The following ZSCAN12 variants were observed in gnomAD, a reference collection of about 807,000 sequenced individuals.
ZSCAN12 encodes zinc finger and SCAN domain containing 12, also known as zinc finger and SCAN domain-containing protein 12.
In ZSCAN12, 18 loss-of-function variants were observed where a neutral mutation model predicts 23.4. That is an observed-to-expected ratio of 0.77 (90% CI 0.53 to 1.14). ZSCAN12 has a LOEUF of 1.14. Among genes scored for constraint, ZSCAN12 ranks in the 50% most tolerant of loss-of-function variants. The pLI is 0.00. For synonymous variants in ZSCAN12, 186 were observed against 253.4 expected, an observed-to-expected ratio of 0.73 and a Z score of 2.53; for missense variants, 650 against 735.0, an observed-to-expected ratio of 0.88 and a Z score of 1.34.
At position 28,391,112 on chromosome 6, in the gene ZSCAN12, T is replaced by G. The variant is rs1382451066; in HGVS notation, c.1178A>C (p.Lys393Thr). ...DKPYQCTQCN[K>T]SFSRRSILTQ... The stretch of plus-strand genomic sequence containing the variant: ...AAGTATGGAACGCCGACTAAAACTT[T>G]TATTACACTGAGTGCACTGATAAGG... Residue 393 changes from lysine to threonine, a missense_variant, in exon 4 of 4, where the codon AAA (lysine) becomes ACA (threonine). Transcript: ENST00000684592. This position sits in a 1 kb window ranked among gnomAD's most constrained non-coding sequence, Gnocchi z 4.1. The G allele has an allele frequency of 1.3e-6, 2 of 1,552,290 alleles. No individual in the cohort carries two copies. The highest frequency in any genetic ancestry group is 1.7e-6 in the Non-Finnish European group (2 of 1,147,118).
rs114031556 is a variant in ZSCAN12 at position 28,386,688 on chromosome 6, T to C, written c.*3766A>G. Among the ~76,000 whole-genome samples the C allele has an allele frequency of 6.6e-6, 1 of 152,376 alleles. No homozygotes were observed. The highest frequency in any genetic ancestry group is 2.4e-5 in the African/African-American group (1 of 41,586). On this transcript the variant is annotated 3_prime_UTR_variant, in exon 4 of 4. Coordinates refer to ENST00000684592, the MANE Select transcript of ZSCAN12 (RefSeq NM_001163391.2). Reference sequence around the variant, plus strand: ...AATTAGTAGCCTTATTCTACTATATTTCCTCTTTATCCTGGAAAGCTAGTT... The same window carrying C: ...AATTAGTAGCCTTATTCTACTATATCTCCTCTTTATCCTGGAAAGCTAGTT...
rs1397783786 is a variant in ZSCAN12 at position 28,391,375 on chromosome 6, T to C, written c.915A>G (p.Glu305=). 1 of 1,551,772 alleles carries C rather than the reference T, an allele frequency of 6.4e-7. No homozygotes were observed. Among genetic ancestry groups the C allele is most frequent in the Non-Finnish European group, 8.7e-7 (1 of 1,146,800 alleles). ...IHTGDRPYKC[E]ECGKAFRGRT... ...TCCCACGGAAAGCTTTTCCACATTC[T>C]TCGCATTTGTAGGGTCTATCTCCAG... Residue 305 remains glutamate (E), a synonymous_variant, in exon 4 of 4, where the codon GAA becomes GAG. Coordinates refer to ENST00000684592, the MANE Select transcript of ZSCAN12 (RefSeq NM_001163391.2). The surrounding 1 kb of genome is among the most constrained non-coding windows in gnomAD (Gnocchi z 4.1).
At position 28,390,687 on chromosome 6, in the gene ZSCAN12, G is replaced by A. The variant is rs759075885; in HGVS notation, c.1603C>T (p.Arg535Ter). Residue 535 changes from arginine to a stop codon, truncating the protein, a stop_gained, in exon 4 of 4, where the codon CGA (arginine) becomes TGA (stop). Transcript: ENST00000684592. LOFTEE classifies it low-confidence loss of function (END_TRUNC). ...YKCDECGNAF[R>*]GITSLIQHQR... ...TGCTGAATGAGGCTGGTGATTCCTC[G>A]GAAGGCATTCCCACACTCATCACAC... 8.1e-6 allele frequency: 13 copies of A among 1,612,344 alleles called. No homozygotes were observed. Among genetic ancestry groups the A allele is most frequent in the South Asian group, 5.5e-5 (5 of 90,850 alleles).
At chr6:28,379,007 G>A (rs1360301355) in exon 5 of ZSCAN12, 1 of 152,104 alleles carries the variant, frequency 6.6e-6, no homozygotes, top group African/African-American at 2.4e-5. Context: ...AAAATTTAGG[G>A]ATGTACAGCA....
chr6:28,383,935 TAGC>T (rs1273525222), downstream of ZSCAN12, among the ~76,000 whole-genome samples: 1 of 152,172 alleles, frequency 6.6e-6, no homozygotes, highest in Non-Finnish European at 1.5e-5. Flanking sequence ...ACAATCAAAA[TAGC>T]AGTTGTAAAG....
chr6:28,391,376 T>C lies in ZSCAN12; in HGVS notation c.914A>G (p.Glu305Gly). The C allele has an allele frequency of 6.4e-7, 1 of 1,551,788 alleles. No homozygotes were observed. Among genetic ancestry groups the C allele is most frequent in the Non-Finnish European group, 8.7e-7 (1 of 1,146,824 alleles). Residue 305 changes from glutamate to glycine, a missense_variant, in exon 4 of 4, where the codon GAA becomes GGA. Glu to Gly is a moderately conservative substitution (Grantham distance 98). Coordinates refer to ENST00000684592, the MANE Select transcript of ZSCAN12 (RefSeq NM_001163391.2). This position sits in a 1 kb window ranked among gnomAD's most constrained non-coding sequence, Gnocchi z 4.1. Reference sequence around the variant, plus strand: ...CCCACGGAAAGCTTTTCCACATTCTTCGCATTTGTAGGGTCTATCTCCAGT... The same window carrying C: ...CCCACGGAAAGCTTTTCCACATTCTCCGCATTTGTAGGGTCTATCTCCAGT... ...IHTGDRPYKC[E>G]ECGKAFRGRT... is the part of the protein sequence containing the mutation.
downstream of ZSCAN12, chr6:28,381,115 A>G (rs1218000960): frequency 1.3e-5 from 2 of 152,244 alleles, no homozygotes; most frequent in Non-Finnish European, 2.9e-5. Context: ...ACTTTTCACA[A>G]AAATGTGACA....
At position 28,391,411 on chromosome 6, in the gene ZSCAN12, C is replaced by CAGAGG. The variant is rs1262680645; in HGVS notation, c.878_879insCCTCT (p.Gln293HisfsTer3). ...AGGGTCTATCTCCAGTATGGATCCT[C>CAGAGG]TGATGTTCTATGAGGTGTGAGTGCT... On this transcript the variant is annotated frameshift_variant, in exon 4 of 4. Coordinates refer to ENST00000684592, the MANE Select transcript of ZSCAN12 (RefSeq NM_001163391.2). LOFTEE classifies it low-confidence loss of function (END_TRUNC). This position sits in a 1 kb window ranked among gnomAD's most constrained non-coding sequence, Gnocchi z 4.1. The CAGAGG allele has an allele frequency of 1.3e-6, 2 of 1,551,484 alleles. No individual in the cohort carries two copies. Among genetic ancestry groups the CAGAGG allele is most frequent in the Non-Finnish European group, 1.7e-6 (2 of 1,146,780 alleles).
exon 5 of ZSCAN12, chr6:28,379,616 A>G (rs1360354261): frequency 6.6e-6 from 1 of 152,194 alleles, no homozygotes; most frequent in Non-Finnish European, 1.5e-5. Flanking sequence ...AATAAAGAAA[A>G]TAAAGAAGCC....
intron 2 of ZSCAN12, among the ~76,000 whole-genome samples, chr6:28,393,867 C>T (rs765498539): frequency 1.3e-5 from 2 of 152,090 alleles, no homozygotes; most frequent in African/African-American, 2.4e-5. Flanking sequence ...CTGAGGTGCC[C>T]GTCCCACTTC....
intron 2 of ZSCAN12, among the ~76,000 whole-genome samples, chr6:28,394,300 A>G (rs769989454): frequency 2.0e-5 from 3 of 152,214 alleles, no homozygotes; most frequent in Non-Finnish European, 2.9e-5. Flanking sequence ...TAACATTTGT[A>G]TAAACCACCT....
At position 28,390,429 on chromosome 6, in the gene ZSCAN12, C is replaced by CT; in HGVS notation, c.*24dup. On this transcript the variant is annotated 3_prime_UTR_variant, in exon 4 of 4. Coordinates refer to ENST00000684592, the MANE Select transcript of ZSCAN12 (RefSeq NM_001163391.2). Reference sequence around the variant, plus strand: ...ATAGTATTTCTCACCGGCCTGAACTCTGTGAGATAACTTCCCTGTAGTCAT... The same window carrying CT: ...ATAGTATTTCTCACCGGCCTGAACTCTTGTGAGATAACTTCCCTGTAGTCAT... The CT allele has an allele frequency of 6.7e-7, 1 of 1,493,184 alleles. No individual in the cohort carries two copies. Among genetic ancestry groups the CT allele is most frequent in the Non-Finnish European group, 8.9e-7 (1 of 1,118,246 alleles). 92.5% of individuals were successfully genotyped at this position (1,493,184 alleles called of 1,614,324 possible). A position where few individuals can be genotyped will look rare whatever the true frequency, so the allele number is the denominator to read the frequency against.
downstream of ZSCAN12, chr6:28,382,490 T>C: frequency 6.4e-7 from 1 of 1,551,926 alleles, no homozygotes; most frequent in Non-Finnish European, 8.7e-7. Context: ...CAGTCACTAT[T>C]AGAGATCTCT....
downstream of ZSCAN12, chr6:28,382,211 G>A (rs1402457913): frequency 1.0e-5 from 3 of 299,612 alleles, no homozygotes; most frequent in African/African-American, 6.5e-5. Context: ...AGCTTCACAA[G>A]TAGGGGCCAG....
At chr6:28,383,045 CTT>C (rs1454136765), downstream of ZSCAN12, among the ~76,000 whole-genome samples, 1 of 152,098 alleles carries the variant, frequency 6.6e-6, no homozygotes, top group African/African-American at 2.4e-5. Flanking sequence ...TAAGTAGACA[CTT>C]ATAATCTCAC....
chr6:28,385,589 A>T lies in ZSCAN12; in HGVS notation c.*4865T>A, dbSNP rs958062581. Reference sequence around the variant, plus strand: ...CAGAGGTTAAAAGTGTGAACTCTGGAACTGGGCTGCTTGGGTTCAAATCTT... The same window carrying T: ...CAGAGGTTAAAAGTGTGAACTCTGGTACTGGGCTGCTTGGGTTCAAATCTT... On this transcript the variant is annotated 3_prime_UTR_variant, in exon 4 of 4. Transcript: ENST00000684592. Among the ~76,000 whole-genome samples, 9 of 152,214 alleles carry T rather than the reference A, an allele frequency of 5.9e-5. No homozygotes were observed. The highest frequency in any genetic ancestry group is 2.2e-4 in the African/African-American group (9 of 41,444).
downstream of ZSCAN12, among the ~76,000 whole-genome samples, chr6:28,383,506 C>T (rs1194173058): frequency 1.3e-5 from 2 of 152,246 alleles, no homozygotes; most frequent in African/African-American, 4.8e-5. Context: ...GGCCGAACCC[C>T]GCCCCAGCTG....
At chr6:28,398,761 CAAAAAAA>C (rs775480746) in intron 1 of ZSCAN12, among the ~76,000 whole-genome samples, 88 of 72,770 alleles carry the variant, frequency 1.2e-3, no homozygotes, top group Middle Eastern at 8.9e-3. Context: ...ACTAAAAATA[CAAAAAAA>C]AAAAAAAAAA....
In ZSCAN12 at chr6:28,390,666, G is replaced by C; in HGVS notation, c.1624C>G (p.Gln542Glu). 6.2e-7 allele frequency: 1 copy of C among 1,613,380 alleles called. No individual in the cohort carries two copies. The highest frequency in any genetic ancestry group is 8.5e-7 in the Non-Finnish European group (1 of 1,179,704). The change falls in exon 4 of 4, where the codon CAG (glutamine) becomes GAG (glutamate). Residue 542 changes from glutamine to glutamate, a missense_variant. Coordinates refer to ENST00000684592, the MANE Select transcript of ZSCAN12 (RefSeq NM_001163391.2). ...TCCCCAGTGTGGATTCTCTGATGCT[G>C]AATGAGGCTGGTGATTCCTCGGAAG... ...NAFRGITSLI[Q>E]HQRIHTGEKP...
Sources: gnomAD v4.1 joint callset for allele counts (sites outside exome capture counted in the v4.1 genomes callset) on GRCh38, gnomAD v4.1.1 for gene constraint, Gnocchi (gnomAD v3.1) non-coding constraint, MANE v1.5 for transcripts, NCBI Gene and HGNC (gene_info 2026-07-23, HGNC 2026-07-21) for gene names.